The following CIDEA variants were observed in gnomAD, a reference collection of about 807,000 sequenced individuals.
CIDEA encodes cell death inducing DFFA like effector a, also known as lipid transferase CIDEA.
A neutral mutation model predicts 18.2 loss-of-function variants in CIDEA; 10 were observed. The observed-to-expected ratio is 0.55, with a 90% CI of 0.34 to 0.93. The LOEUF (loss-of-function observed/expected upper bound fraction) is 0.93, where lower values mean the gene tolerates loss of function less well. Among genes scored for constraint, CIDEA ranks in the 40% least tolerant of loss-of-function variants. The pLI, the probability that CIDEA is intolerant of heterozygous loss-of-function variation, is 0.02. For missense variants in CIDEA, 309 were observed against 293.1 expected (o/e 1.05, Z -0.40); for synonymous variants, 128 against 124.8 (o/e 1.03, Z -0.17).
At chr18:12,276,183 G>A (rs1016471843) in intron 4 of CIDEA, among the ~76,000 whole-genome samples, 7 of 151,640 alleles carry the variant, frequency 4.6e-5, no homozygotes, top group East Asian at 1.9e-4. Flanking sequence ...TAATAGAGAC[G>A]GGGTTTCACC....
At position 12,270,688 on chromosome 18, in the gene CIDEA, C is replaced by CAAAAAAAAAAAAAAAAAA. The variant is rs68102741; in HGVS notation, c.331-3394_331-3377dup. On this transcript the variant is annotated intron_variant, in intron 3 of 4. Coordinates refer to ENST00000320477, the MANE Select transcript of CIDEA (RefSeq NM_001279.4). ...GGCGACAGAGCAAGACTCCGTCTCA[C>CAAAAAAAAAAAAAAAAAA]AAAAAAAAAAAAAAAAAAAAAAAAA... 3.3e-4 allele frequency among the ~76,000 whole-genome samples: 24 copies of CAAAAAAAAAAAAAAAAAA among 72,804 alleles called. 5 individuals carry two copies. Among genetic ancestry groups the CAAAAAAAAAAAAAAAAAA allele is most frequent in the African/African-American group, 1.8e-3 (22 of 11,928 alleles). The allele number at this position is 72,804 out of a possible 152,430, so 47.8% of individuals were successfully genotyped here. A position where few individuals can be genotyped will look rare whatever the true frequency, so the allele number is the denominator to read the frequency against.
intron 1 of CIDEA, among the ~76,000 whole-genome samples, chr18:12,255,316 C>T (rs1179731700): frequency 6.6e-6 from 1 of 152,180 alleles, no homozygotes; most frequent in Non-Finnish European, 1.5e-5. Flanking sequence ...ACTGTGTGTG[C>T]TACGTGTGGC....
chr18:12,259,120 C>T (rs565600762), intron 1 of CIDEA, among the ~76,000 whole-genome samples: 1 of 152,206 alleles, frequency 6.6e-6, no homozygotes, highest in Non-Finnish European at 1.5e-5. Flanking sequence ...ACAGCCCGGC[C>T]GGGCGAGGCT....
At chr18:12,272,896 G>A (rs1013961320) in intron 3 of CIDEA, among the ~76,000 whole-genome samples, 1 of 152,314 alleles carries the variant, frequency 6.6e-6, no homozygotes, top group East Asian at 1.9e-4. Context: ...GAGACTACAG[G>A]CATGAGCCAC....
intron 4 of CIDEA, among the ~76,000 whole-genome samples, chr18:12,274,750 G>A (rs1434121238): frequency 2.0e-5 from 3 of 152,158 alleles, no homozygotes; most frequent in South Asian, 2.1e-4. Flanking sequence ...CCAGGGCACC[G>A]TCATCCCAAA....
chr18:12,273,287 C>A (rs1012116281), intron 3 of CIDEA, among the ~76,000 whole-genome samples: 1 of 152,200 alleles, frequency 6.6e-6, no homozygotes, highest in Non-Finnish European at 1.5e-5. Context: ...CGAAGGCTCA[C>A]AAGACCTAGT....
At chr18:12,276,783 GC>G in intron 4 of CIDEA, among the ~76,000 whole-genome samples, 1 of 152,216 alleles carries the variant, frequency 6.6e-6, no homozygotes, top group Middle Eastern at 3.2e-3. Context: ...TGCGGGTGCG[GC>G]CATCTGCTCC....
intron 1 of CIDEA, 193 bp downstream of exon 1, chr18:12,254,614 C>T: frequency 6.7e-7 from 1 of 1,491,538 alleles, no homozygotes; most frequent in Non-Finnish European, 9.0e-7. Context: ...CCAGCCGCGC[C>T]CGCGGGCAGA....
At chr18:12,255,229 G>A (rs1394097118) in intron 1 of CIDEA, among the ~76,000 whole-genome samples, 3 of 152,254 alleles carry the variant, frequency 2.0e-5, no homozygotes, top group Admixed American at 6.5e-5. Flanking sequence ...GTGTTTCTCT[G>A]AAGATCAAGT....
intron 3 of CIDEA, 69 bp downstream of exon 3, chr18:12,264,522 C>A: frequency 1.6e-6 from 2 of 1,224,518 alleles, no homozygotes; most frequent in Non-Finnish European, 2.3e-6. Flanking sequence ...GTGTGCCCTA[C>A]TTGGGTGTTG....
rs143587272 is a variant in CIDEA at position 12,262,966 on chromosome 18, C to T, written c.180C>T (p.Ser60=). The change falls in exon 2 of 5, where the codon AGC becomes AGT. Residue 60 remains serine, a synonymous_variant. Transcript: ENST00000320477. ...VMASSLQELI[S]KTLDALVIAT... ...CAAGCAGCCTGCAGGAGCTCATCAGCAAGGTGCCCCACATCCCGCACCTCT... is the reference window on the plus strand; with the variant it reads ...CAAGCAGCCTGCAGGAGCTCATCAGTAAGGTGCCCCACATCCCGCACCTCT... The T allele has an allele frequency of 6.2e-7, 1 of 1,613,920 alleles. No individual in the cohort carries two copies. Among genetic ancestry groups the T allele is most frequent in the African/African-American group, 1.3e-5 (1 of 74,924 alleles).
At chr18:12,268,299 C>T (rs1471268302) in intron 3 of CIDEA, among the ~76,000 whole-genome samples, 2 of 133,964 alleles carry the variant, frequency 1.5e-5, no homozygotes, top group Non-Finnish European at 3.1e-5. Flanking sequence ...AGGCTGGTCT[C>T]GAACTCCTGA....
intron 2 of CIDEA, 146 bp downstream of exon 2, chr18:12,263,115 G>A: frequency 1.3e-6 from 1 of 782,048 alleles, no homozygotes; most frequent in South Asian, 2.3e-5. Flanking sequence ...AGAGAAATTG[G>A]GAATGACTGC....
intron 1 of CIDEA, among the ~76,000 whole-genome samples, chr18:12,259,124 C>T (rs919344070): frequency 9.2e-5 from 14 of 152,280 alleles, no homozygotes; most frequent in South Asian, 2.1e-4. Flanking sequence ...CCCGGCCGGG[C>T]GAGGCTCTGA....
At chr18:12,268,373 C>T (rs868307885) in intron 3 of CIDEA, among the ~76,000 whole-genome samples, 4 of 143,006 alleles carry the variant, frequency 2.8e-5, no homozygotes, top group Middle Eastern at 3.5e-3. Flanking sequence ...AGCCACCGCC[C>T]CCAGTGGTTT....
At chr18:12,277,018 T>A in intron 4 of CIDEA, 105 bp from the exon 5 acceptor site, 1 of 1,279,800 alleles carries the variant, frequency 7.8e-7, no homozygotes, top group Non-Finnish European at 1.1e-6. Flanking sequence ...CAGCCTGGCC[T>A]CCTCCGAGTG....
At chr18:12,274,613 C>T (rs1912654292) in intron 4 of CIDEA, among the ~76,000 whole-genome samples, 1 of 152,156 alleles carries the variant, frequency 6.6e-6, no homozygotes, top group South Asian at 2.1e-4. Context: ...GAGGTCGTGG[C>T]CGGGTTTGTA....
intron 1 of CIDEA, among the ~76,000 whole-genome samples, chr18:12,257,868 G>C (rs1464603768): frequency 1.3e-5 from 2 of 152,194 alleles, no homozygotes; most frequent in African/African-American, 4.8e-5. Flanking sequence ...GCCAGTGATA[G>C]AGATGACTCT....
chr18:12,256,652 T>C (rs1319524245), intron 1 of CIDEA, among the ~76,000 whole-genome samples: 1 of 152,258 alleles, frequency 6.6e-6, no homozygotes, highest in Non-Finnish European at 1.5e-5. Flanking sequence ...GCTGCTTTCA[T>C]AGCTATCTAG....
Sources: allele counts gnomAD v4.1 joint callset (sites outside exome capture counted in the v4.1 genomes callset), GRCh38; gene constraint gnomAD v4.1.1; transcripts MANE v1.5; gene names NCBI Gene and HGNC (gene_info 2026-07-23, HGNC 2026-07-21).